The following FGF12 variants were observed in gnomAD, a reference collection of about 807,000 sequenced individuals.
FGF12 encodes fibroblast growth factor 12, also known as fibroblast growth factor 12B.
FGF12 carries 14 observed loss-of-function variants against 23.6 expected under a neutral mutation model. The observed-to-expected ratio is 0.59, with a 90% confidence interval of 0.39 to 0.93. The LOEUF (loss-of-function observed/expected upper bound fraction) is 0.93. Ranked by LOEUF, FGF12 falls within the 40% of genes least tolerant of loss-of-function variation. The pLI is 0.00. For synonymous variants in FGF12, 62 were observed against 77.3 expected, an observed-to-expected ratio of 0.80 and a Z score of 1.04; for missense variants, 175 against 217.8, an observed-to-expected ratio of 0.80 and a Z score of 1.24.
At chr3:192,626,750 G>A (rs1715184966) in intron 2 of FGF12, among the ~76,000 whole-genome samples, 1 of 151,960 alleles carries the variant, frequency 6.6e-6, no homozygotes, top group Non-Finnish European at 1.5e-5. Flanking sequence ...GTAGCTAGGT[G>A]TGCTCCACCA....
chr3:192,251,264 ATGT>A (rs1375014934), intron 4 of FGF12, among the ~76,000 whole-genome samples: 2 of 152,178 alleles, frequency 1.3e-5, no homozygotes, highest in Admixed American at 6.5e-5. Flanking sequence ...CGCCATGAAA[ATGT>A]TGTCATTGAT....
intron 2 of FGF12, among the ~76,000 whole-genome samples, chr3:192,470,948 C>A (rs774589279): frequency 3.9e-5 from 6 of 152,166 alleles, no homozygotes; most frequent in Non-Finnish European, 8.8e-5. Context: ...AATGGCACTT[C>A]CCCAGACATC....
chr3:192,447,018 G>T (rs746240171), intron 2 of FGF12, among the ~76,000 whole-genome samples: 2 of 152,164 alleles, frequency 1.3e-5, no homozygotes, highest in Admixed American at 6.5e-5. Flanking sequence ...GATTGGATGT[G>T]ATCTCCCTTG....
At chr3:192,662,462 G>C (rs184866805) in intron 2 of FGF12, among the ~76,000 whole-genome samples, 1 of 152,196 alleles carries the variant, frequency 6.6e-6, no homozygotes, top group Admixed American at 6.5e-5. Flanking sequence ...TCTTTCTCAG[G>C]GATGACTTGA....
At chr3:192,581,393 C>T (rs1357946338) in intron 2 of FGF12, among the ~76,000 whole-genome samples, 1 of 149,790 alleles carries the variant, frequency 6.7e-6, no homozygotes, top group African/African-American at 2.5e-5. Flanking sequence ...CATGATGAGA[C>T]CTCACCTCTC....
intron 2 of FGF12, among the ~76,000 whole-genome samples, chr3:192,362,148 A>G (rs921442971): frequency 2.6e-5 from 4 of 152,162 alleles, no homozygotes; most frequent in East Asian, 1.9e-4. Flanking sequence ...TTTGTCTTCA[A>G]TGCATTTCCT....
intron 2 of FGF12, among the ~76,000 whole-genome samples, chr3:192,468,886 A>G (rs1290234546): frequency 6.6e-6 from 1 of 152,146 alleles, no homozygotes; most frequent in Non-Finnish European, 1.5e-5. Flanking sequence ...ACATTTATTA[A>G]TAGAAATTCT....
chr3:192,590,914 C>T (rs1375388738), intron 2 of FGF12, among the ~76,000 whole-genome samples: 3 of 151,798 alleles, frequency 2.0e-5, no homozygotes, highest in Non-Finnish European at 4.4e-5. Context: ...CCTTGTTCTG[C>T]TCCCCCTTGC....
At chr3:192,496,103 T>C (rs989166630) in intron 2 of FGF12, among the ~76,000 whole-genome samples, 7 of 152,204 alleles carry the variant, frequency 4.6e-5, no homozygotes, top group Admixed American at 1.3e-4. Context: ...CAGCCTCTAG[T>C]CACAAATGCT....
At chr3:192,439,431 A>G (rs182642550) in intron 2 of FGF12, among the ~76,000 whole-genome samples, 1 of 152,322 alleles carries the variant, frequency 6.6e-6, no homozygotes, top group East Asian at 1.9e-4. Context: ...TTTTAAAGCC[A>G]CACCTTAATC....
At chr3:192,573,007 T>C (rs189004461) in intron 2 of FGF12, among the ~76,000 whole-genome samples, 64 of 152,268 alleles carry the variant, frequency 4.2e-4, no homozygotes, top group Non-Finnish European at 7.1e-4. Flanking sequence ...AATGAAGAAA[T>C]GGCATTCGGA....
rs574185139 is a variant in FGF12, at chr3:192,284,824, G to T, written c.228+50537C>A. 1.3e-4 allele frequency among the ~76,000 whole-genome samples: 20 copies of T among 152,048 alleles called. No individual in the cohort carries two copies. In the South Asian group the frequency reaches 4.1e-3, roughly 32 times the overall value. Reference sequence around the variant, plus strand: ...CTGGAAGTGTTGAAATAAGTTCCTGGAGTCACCTAGAAAACTACTGGGGAA... The same window carrying T: ...CTGGAAGTGTTGAAATAAGTTCCTGTAGTCACCTAGAAAACTACTGGGGAA... On this transcript the variant is annotated intron_variant, in intron 4 of 5. Transcript: ENST00000445105.
intron 2 of FGF12, among the ~76,000 whole-genome samples, chr3:192,460,888 T>G (rs1274565026): frequency 6.6e-6 from 1 of 152,186 alleles, no homozygotes; most frequent in Non-Finnish European, 1.5e-5. Context: ...AAGTTAAGCA[T>G]TTTTAATTCC....
intron 2 of FGF12, among the ~76,000 whole-genome samples, chr3:192,660,933 T>C (rs1437243744): frequency 1.3e-5 from 2 of 151,534 alleles, no homozygotes; most frequent in African/African-American, 2.4e-5. Context: ...TGCTATAAAA[T>C]TGAAATAAGG....
chr3:192,184,331 C>T (rs1716339961), intron 4 of FGF12, among the ~76,000 whole-genome samples: 1 of 152,114 alleles, frequency 6.6e-6, no homozygotes, highest in African/African-American at 2.4e-5. Context: ...CTTTGCTTAC[C>T]GATTAGAGTG....
chr3:192,464,347 C>T (rs1264823581), intron 2 of FGF12, among the ~76,000 whole-genome samples: 2 of 151,974 alleles, frequency 1.3e-5, no homozygotes, highest in African/African-American at 2.4e-5. Flanking sequence ...CCTTTACATC[C>T]GCATAGCTTA....
Position 192,408,461 on chromosome 3 carries a change from GGGGGC to G in FGF12, c.14-47928_14-47924del. On this transcript the variant is annotated intron_variant, in intron 2 of 5. Coordinates refer to ENST00000445105, the MANE Select transcript of FGF12 (RefSeq NM_004113.6). This position sits in a 1 kb window ranked among gnomAD's most constrained non-coding sequence, Gnocchi z 7.3. The stretch of plus-strand genomic sequence containing the variant: ...AAACTTCCCCAACCTCTGGCGGCCG[GGGGGC>G]GGGGCGGGGCGGTCCCAGGCCCTCT... The G allele has an allele frequency of 4.4e-6, 6 of 1,367,350 alleles. No homozygotes were observed. Among genetic ancestry groups the G allele is most frequent in the Admixed American group, 3.5e-5 (1 of 28,778 alleles). 84.7% of individuals were successfully genotyped at this position (1,367,350 alleles called of 1,614,324 possible). A position where few individuals can be genotyped will look rare whatever the true frequency, so the allele number is the denominator to read the frequency against.
At chr3:192,146,589 C>T (rs60094678) in intron 5 of FGF12, among the ~76,000 whole-genome samples, 31,915 of 152,016 alleles carry the variant, frequency 0.21, 3,477 homozygotes, top group South Asian at 0.27. Flanking sequence ...ATTTTTATCA[C>T]TTTTTAAGCT....
chr3:192,507,477 T>C (rs1430345405), intron 2 of FGF12, among the ~76,000 whole-genome samples: 9 of 152,216 alleles, frequency 5.9e-5, no homozygotes, highest in African/African-American at 2.2e-4. Context: ...AATCTTCACC[T>C]GGGGAAGTCT....
Sources: allele counts gnomAD v4.1 joint callset (sites outside exome capture counted in the v4.1 genomes callset), GRCh38; gene constraint gnomAD v4.1.1; non-coding constraint Gnocchi (gnomAD v3.1); transcripts MANE v1.5; gene names NCBI Gene and HGNC (gene_info 2026-07-23, HGNC 2026-07-21).